The following FAM83B variants were observed in gnomAD, a reference collection of about 807,000 sequenced individuals.
FAM83B encodes the protein protein FAM83B.
FAM83B carries 26 observed loss-of-function variants against 38.8 expected under a neutral mutation model. The ratio of observed to expected loss-of-function variants is 0.67; its 90% CI spans 0.49 to 0.93. FAM83B has a LOEUF of 0.93. FAM83B is among the 40% of genes least tolerant of loss of function. The pLI, the probability that FAM83B is intolerant of heterozygous loss-of-function variation, is 0.00. For synonymous variants in FAM83B, 419 were observed against 423.1 expected (o/e 0.99, Z 0.12); for missense variants, 1,237 against 1,197.3 (o/e 1.03, Z -0.49).
intron 1 of FAM83B, among the ~76,000 whole-genome samples, chr6:54,867,479 T>C (rs1424629801): frequency 6.6e-6 from 1 of 152,056 alleles, no homozygotes. Context: ...TTAGTAGTAA[T>C]CTTAAGTCTT....
At chr6:54,879,838 A>G (rs970832380) in intron 2 of FAM83B, among the ~76,000 whole-genome samples, 1 of 152,172 alleles carries the variant, frequency 6.6e-6, no homozygotes, top group Non-Finnish European at 1.5e-5. Context: ...GCGTTGGGAT[A>G]ATGGTCAGCA....
chr6:54,930,389 AG>A (rs1351673278), intron 4 of FAM83B, among the ~76,000 whole-genome samples: 1 of 152,150 alleles, frequency 6.6e-6, no homozygotes, highest in Non-Finnish European at 1.5e-5. Flanking sequence ...CTGAACTAGC[AG>A]GTCCTTAAAT....
chr6:54,923,454 G>A (rs239801), intron 2 of FAM83B, among the ~76,000 whole-genome samples: 97,835 of 151,860 alleles, frequency 0.64, 33,372 homozygotes, highest in East Asian at 0.89. Context: ...GGCTAAATCA[G>A]ACTCTGCCTA....
intron 2 of FAM83B, among the ~76,000 whole-genome samples, chr6:54,926,170 T>C (rs544493862): frequency 1.3e-5 from 2 of 152,352 alleles, no homozygotes; most frequent in South Asian, 4.1e-4. Context: ...AATGACTTAG[T>C]GTACAAATCT....
intron 2 of FAM83B, among the ~76,000 whole-genome samples, chr6:54,904,324 G>T (rs1772729009): frequency 6.6e-6 from 1 of 152,130 alleles, no homozygotes; most frequent in South Asian, 2.1e-4. Context: ...GCAGCCAGTA[G>T]CATGATCTTC....
At chr6:54,855,186 G>T (rs1771418525) in intron 1 of FAM83B, among the ~76,000 whole-genome samples, 1 of 152,148 alleles carries the variant, frequency 6.6e-6, no homozygotes, top group South Asian at 2.1e-4. Flanking sequence ...CATGCTGGCA[G>T]CCCCATGTAC....
Position 54,915,812 on chromosome 6 carries a change from C to CAAAAAAAAAAA in FAM83B, c.445-10544_445-10534dup, listed in dbSNP as rs58597609. Among the ~76,000 whole-genome samples, 175 of 18,008 alleles carry CAAAAAAAAAAA rather than the reference C, an allele frequency of 9.7e-3. 2 individuals are homozygous for CAAAAAAAAAAA. Among genetic ancestry groups the CAAAAAAAAAAA allele is most frequent in the Non-Finnish European group, 0.015 (131 of 8,638 alleles). 11.8% of individuals were successfully genotyped at this position (18,008 alleles called of 152,430 possible). Reference sequence around the variant, plus strand: ...TGGGCGACAGAGCGAGACTCCGTCTCAAAAAAAAAAAAAAAAAAAAAAAAA... The same window carrying CAAAAAAAAAAA: ...TGGGCGACAGAGCGAGACTCCGTCTCAAAAAAAAAAAAAAAAAAAAAAAAAAAAAAAAAAAA... On this transcript the variant is annotated intron_variant, in intron 2 of 4. Coordinates refer to ENST00000306858, the MANE Select transcript of FAM83B (RefSeq NM_001010872.3).
At chr6:54,866,068 C>T (rs562665953) in intron 1 of FAM83B, among the ~76,000 whole-genome samples, 2 of 151,698 alleles carry the variant, frequency 1.3e-5, no homozygotes, top group Non-Finnish European at 2.9e-5. Context: ...TTGTTATTCT[C>T]CTCTCTACAT....
intron 2 of FAM83B, among the ~76,000 whole-genome samples, chr6:54,874,253 TTTTG>T (rs1362056878): frequency 2.6e-5 from 4 of 152,150 alleles, no homozygotes; most frequent in African/African-American, 9.6e-5. Context: ...ATTAGATATT[TTTTG>T]TTTATTTGTT....
chr6:54,927,640 C>A lies in FAM83B; in HGVS notation c.734+8C>A. 1 of 1,496,202 alleles carries A rather than the reference C, an allele frequency of 6.7e-7. No individual in the cohort carries two copies. Among genetic ancestry groups the A allele is most frequent in the South Asian group, 1.2e-5 (1 of 81,816 alleles). 92.7% of individuals were successfully genotyped at this position (1,496,202 alleles called of 1,614,324 possible). On this transcript the variant is annotated splice_region_variant and intron_variant, in intron 4 of 4. Transcript: ENST00000306858. The stretch of plus-strand genomic sequence containing the variant: ...GATGTACGGTTCTTACAGGTAAGAT[C>A]ATTGTGTTTAACTTCAGTGTTATCA...
In FAM83B at chr6:54,867,465, A is replaced by G. The variant is rs148991885; in HGVS notation, c.-60-2722A>G. ...CCTCTCCACCAGAACAATATAAAGTATATTTAGTAGTAATCTTAAGTCTTG... is the reference window on the plus strand; with the variant it reads ...CCTCTCCACCAGAACAATATAAAGTGTATTTAGTAGTAATCTTAAGTCTTG... On this transcript the variant is annotated intron_variant, in intron 1 of 4. Coordinates refer to ENST00000306858, the MANE Select transcript of FAM83B (RefSeq NM_001010872.3). Among the ~76,000 whole-genome samples, 380 of 152,150 alleles carry G rather than the reference A, an allele frequency of 2.5e-3. 2 individuals are homozygous for G. The highest frequency in any genetic ancestry group is 8.7e-3 in the African/African-American group (361 of 41,556).
intron 4 of FAM83B, among the ~76,000 whole-genome samples, chr6:54,932,231 C>T (rs1452262859): frequency 3.9e-5 from 6 of 151,998 alleles, no homozygotes; most frequent in African/African-American, 1.2e-4. Context: ...AGGCTGGTCT[C>T]GAACTCCTGA....
At position 54,848,304 on chromosome 6, in the gene FAM83B, G is replaced by A. The variant is rs74761285; in HGVS notation, c.-61+1478G>A. ...TTGCCTTTGGGGCTCAGGCACACGT[G>A]GGGTATACACCTATTTAGGGTGCTG... On this transcript the variant is annotated intron_variant, in intron 1 of 4. Coordinates refer to ENST00000306858, the MANE Select transcript of FAM83B (RefSeq NM_001010872.3). Among the ~76,000 whole-genome samples the A allele has an allele frequency of 6.0e-3, 912 of 152,218 alleles. 3 individuals carry two copies. The highest frequency in any genetic ancestry group is 9.5e-3 in the Non-Finnish European group (645 of 68,006).
chr6:54,939,712 G>A lies in FAM83B; in HGVS notation c.741G>A (p.Met247Ile). ...TTTCCATTTTTTTCCCCAGTTATATGTGGTCATTTGAGAAAGCTCACCTCA... is the reference window on the plus strand; with the variant it reads ...TTTCCATTTTTTTCCCCAGTTATATATGGTCATTTGAGAAAGCTCACCTCA... ...QKVMYGSYSY[M>I]WSFEKAHLSM... The change falls in exon 5 of 5, where the codon ATG (methionine) becomes ATA (isoleucine). Residue 247 changes from methionine (M) to isoleucine (I), a missense_variant. Met to Ile is a conservative substitution (Grantham distance 10). Transcript: ENST00000306858. 1.3e-6 allele frequency: 2 copies of A among 1,583,068 alleles called. No homozygotes were observed. Among genetic ancestry groups the A allele is most frequent in the South Asian group, 1.2e-5 (1 of 85,706 alleles).
At chr6:54,913,035 G>A (rs1566723) in intron 2 of FAM83B, among the ~76,000 whole-genome samples, 62,077 of 151,686 alleles carry the variant, frequency 0.41, 13,721 homozygotes, top group East Asian at 0.88. Flanking sequence ...AAAATAAATA[G>A]GACTATATTT....
At chr6:54,936,309 A>T (rs894667349) in intron 4 of FAM83B, among the ~76,000 whole-genome samples, 2 of 152,002 alleles carry the variant, frequency 1.3e-5, no homozygotes, top group Non-Finnish European at 1.5e-5. Flanking sequence ...TAACCTCAAC[A>T]CTTGGAAGTT....
chr6:54,875,217 GAT>G (rs1344637853), intron 2 of FAM83B, among the ~76,000 whole-genome samples: 3 of 152,080 alleles, frequency 2.0e-5, no homozygotes, highest in Non-Finnish European at 4.4e-5. Context: ...AGATTATTTT[GAT>G]ATGTTATATT....
chr6:54,870,124 A>T, intron 1 of FAM83B, 63 bp from the exon 2 acceptor site: 1 of 702,572 alleles, frequency 1.4e-6, no homozygotes, highest in South Asian at 1.9e-5. Flanking sequence ...GTTGATATGT[A>T]TCATAAAACA....
At chr6:54,855,419 T>C (rs1453758572) in intron 1 of FAM83B, among the ~76,000 whole-genome samples, 3 of 152,166 alleles carry the variant, frequency 2.0e-5, no homozygotes, top group Non-Finnish European at 4.4e-5. Flanking sequence ...GAAAAAAATA[T>C]AGAAAGTGGT....
Sources: allele counts gnomAD v4.1 joint callset (sites outside exome capture counted in the v4.1 genomes callset), GRCh38; gene constraint gnomAD v4.1.1; transcripts MANE v1.5; gene names NCBI Gene and HGNC (gene_info 2026-07-23, HGNC 2026-07-21).